The following CSMD1 variants were observed in gnomAD, a reference collection of about 807,000 sequenced individuals.
CSMD1 encodes the protein CUB and sushi domain-containing protein 1.
A neutral mutation model predicts 417.5 loss-of-function variants in CSMD1; 213 were observed. The ratio of observed to expected loss-of-function variants is 0.51; its 90% CI spans 0.46 to 0.57. The LOEUF is 0.57. CSMD1 is among the 20% of genes least tolerant of loss of function. CSMD1 has a pLI of 0.00. For synonymous variants in CSMD1, 2,862 were observed against 1,736.8 expected, an observed-to-expected ratio of 1.65 and a Z score of -16.11; for missense variants, 6,923 against 4,529.7, an observed-to-expected ratio of 1.53 and a Z score of -15.17.
intron 6 of CSMD1, among the ~76,000 whole-genome samples, chr8:3,713,506 T>C (rs1383978861): frequency 6.6e-6 from 1 of 152,122 alleles, no homozygotes; most frequent in Non-Finnish European, 1.5e-5. Context: ...GTAATCCCTC[T>C]GCCCCAGCCC....
chr8:3,359,079 C>A (rs1808986119), intron 21 of CSMD1, 73 bp downstream of exon 21: 8 of 1,477,840 alleles, frequency 5.4e-6, no homozygotes, highest in Non-Finnish European at 7.5e-6. Context: ...CCGACCCCGA[C>A]CACCCTAGGC....
intron 50 of CSMD1, among the ~76,000 whole-genome samples, chr8:3,032,867 T>C (rs986836165): frequency 2.0e-5 from 3 of 152,110 alleles, no homozygotes; most frequent in Admixed American, 1.3e-4. Context: ...GATCTCTTTA[T>C]ATACCCTTCA....
chr8:3,031,589 T>C (rs1255129354), intron 50 of CSMD1, among the ~76,000 whole-genome samples: 1 of 152,058 alleles, frequency 6.6e-6, no homozygotes, highest in Admixed American at 6.6e-5. Context: ...TTATACAGAC[T>C]AGGTCTAGTT....
At chr8:4,138,812 T>C (rs1327541704) in intron 3 of CSMD1, among the ~76,000 whole-genome samples, 1 of 152,212 alleles carries the variant, frequency 6.6e-6, no homozygotes, top group Non-Finnish European at 1.5e-5. Flanking sequence ...AATGGTATTT[T>C]TTTGCCCCTG....
chr8:4,917,173 A>T (rs1806121590), intron 1 of CSMD1, among the ~76,000 whole-genome samples: 2 of 152,160 alleles, frequency 1.3e-5, no homozygotes, highest in South Asian at 4.1e-4. Flanking sequence ...GAGCAGGAGG[A>T]AGACAGAGAG....
At chr8:4,525,606 A>G (rs1796472924) in intron 2 of CSMD1, among the ~76,000 whole-genome samples, 1 of 152,196 alleles carries the variant, frequency 6.6e-6, no homozygotes, top group African/African-American at 2.4e-5. Context: ...ATGAAGTATG[A>G]ATTTGGTGCA....
chr8:3,220,264 GT>G (rs112875181), intron 28 of CSMD1, among the ~76,000 whole-genome samples: 4 of 151,682 alleles, frequency 2.6e-5, no homozygotes, highest in Admixed American at 1.3e-4. Flanking sequence ...GAATATCCCA[GT>G]TTTTTTTCTC....
chr8:3,752,778 C>T (rs1797424001), intron 6 of CSMD1, among the ~76,000 whole-genome samples: 1 of 151,200 alleles, frequency 6.6e-6, no homozygotes. Flanking sequence ...GCCCCAGGGA[C>T]TGGGTGGCAA....
At chr8:4,029,471 A>G (rs1797230582) in intron 4 of CSMD1, among the ~76,000 whole-genome samples, 1 of 152,076 alleles carries the variant, frequency 6.6e-6, no homozygotes, top group Non-Finnish European at 1.5e-5. Flanking sequence ...GCAGAGAAAC[A>G]CCCATTTTTA....
At position 4,551,140 on chromosome 8, in the gene CSMD1, C is replaced by T. The variant is rs115390853; in HGVS notation, c.302+86202G>A. Among the ~76,000 whole-genome samples, 1,158 of 152,280 alleles carry T rather than the reference C, an allele frequency of 7.6e-3. 11 individuals are homozygous for T. The highest frequency in any genetic ancestry group is 0.026 in the African/African-American group (1,068 of 41,540). ...AGAGACACTGACCTGGGTCTGGCAA[C>T]ATCTATGTGGAGATCCTGTGTATCT... On this transcript the variant is annotated intron_variant, in intron 2 of 69. Transcript: ENST00000635120.
At chr8:2,992,239 CAT>C (rs1330490756) in intron 54 of CSMD1, among the ~76,000 whole-genome samples, 1 of 151,924 alleles carries the variant, frequency 6.6e-6, no homozygotes, top group Non-Finnish European at 1.5e-5. Flanking sequence ...ATGCCACACT[CAT>C]TGCTGGGAGG....
At chr8:3,499,646 T>G (rs973006071) in intron 10 of CSMD1, among the ~76,000 whole-genome samples, 3 of 150,686 alleles carry the variant, frequency 2.0e-5, no homozygotes, top group Admixed American at 2.0e-4. Context: ...TGGCTCCCCC[T>G]GTCTTGAGAG....
chr8:4,376,873 A>C (rs180880481), intron 3 of CSMD1, among the ~76,000 whole-genome samples: 50 of 152,252 alleles, frequency 3.3e-4, no homozygotes, highest in African/African-American at 1.2e-3. Context: ...GCATTTTTAC[A>C]GGTATTTGAC....
At chr8:3,455,574 C>G (rs1037810551) in intron 12 of CSMD1, among the ~76,000 whole-genome samples, 4 of 152,208 alleles carry the variant, frequency 2.6e-5, no homozygotes, top group Non-Finnish European at 4.4e-5. Flanking sequence ...TGCTGGAGGT[C>G]CACTCCAGAC....
At chr8:3,796,425 T>A (rs1393959383) in intron 5 of CSMD1, among the ~76,000 whole-genome samples, 1 of 114,256 alleles carries the variant, frequency 8.8e-6, no homozygotes, top group African/African-American at 3.0e-5. Flanking sequence ...CTATCATGTA[T>A]AGATATATAT....
At position 4,934,506 on chromosome 8, in the gene CSMD1, G is replaced by C. The variant is rs73511754; in HGVS notation, c.85+59826C>G. 2.5e-3 allele frequency among the ~76,000 whole-genome samples: 375 copies of C among 152,278 alleles called. 1 individual carries two copies. The highest frequency in any genetic ancestry group is 8.6e-3 in the African/African-American group (359 of 41,564). On this transcript the variant is annotated intron_variant, in intron 1 of 69. Transcript: ENST00000635120. ...GAAAATACGAAGAGCTTATCAGAGAGAGCTTCCGGGGCTTTGAGCTGACTT... is the reference window on the plus strand; with the variant it reads ...GAAAATACGAAGAGCTTATCAGAGACAGCTTCCGGGGCTTTGAGCTGACTT...
At chr8:3,313,039 T>C (rs1805473293) in intron 23 of CSMD1, among the ~76,000 whole-genome samples, 1 of 152,228 alleles carries the variant, frequency 6.6e-6, no homozygotes, top group Non-Finnish European at 1.5e-5. Context: ...AATAGGAGAA[T>C]TCTGAAATGA....
At chr8:3,907,670 G>C (rs1808201831) in intron 5 of CSMD1, among the ~76,000 whole-genome samples, 2 of 152,158 alleles carry the variant, frequency 1.3e-5, no homozygotes, top group African/African-American at 2.4e-5. Flanking sequence ...GGAAGATTCA[G>C]GCAGAGATCC....
chr8:4,918,911 A>G (rs761718730), intron 1 of CSMD1, among the ~76,000 whole-genome samples: 67 of 152,206 alleles, frequency 4.4e-4, no homozygotes, highest in Admixed American at 8.5e-4. Flanking sequence ...TTTTAAAAAA[A>G]GTAGTAAAAT....
Sources: gnomAD v4.1 joint callset for allele counts (sites outside exome capture counted in the v4.1 genomes callset) on GRCh38, gnomAD v4.1.1 for gene constraint, MANE v1.5 for transcripts, NCBI Gene and HGNC (gene_info 2026-07-23, HGNC 2026-07-21) for gene names.